PARD3B: variants seen among roughly 807,000 people sequenced by gnomAD.
PARD3B encodes the protein partitioning defective 3 homolog B.
A neutral mutation model predicts 130.2 loss-of-function variants in PARD3B; 103 were observed. That is an observed-to-expected ratio of 0.79 (90% CI 0.67 to 0.93). The LOEUF is 0.93. PARD3B is among the 40% of genes least tolerant of loss of function. PARD3B has a pLI of 0.00. For missense variants in PARD3B, 1,609 were observed against 1,499.2 expected (o/e 1.07, Z -1.21); for synonymous variants, 583 against 553.2 (o/e 1.05, Z -0.76).
intron 18 of PARD3B, among the ~76,000 whole-genome samples, chr2:205,376,504 G>C (rs1289032821): frequency 6.6e-6 from 1 of 152,184 alleles, no homozygotes; most frequent in African/African-American, 2.4e-5. Flanking sequence ...ATCTAATGAC[G>C]TGAGGTATTG....
intron 13 of PARD3B, among the ~76,000 whole-genome samples, chr2:205,181,744 A>G (rs2035798717): frequency 6.6e-6 from 1 of 152,240 alleles, no homozygotes; most frequent in Admixed American, 6.5e-5. Context: ...ACAAAAGATG[A>G]TAATTAAAAA....
Position 205,473,565 on chromosome 2 carries a change from A to C in PARD3B, c.3045-26331A>C, listed in dbSNP as rs181209027. Among the ~76,000 whole-genome samples the C allele has an allele frequency of 1.1e-4, 16 of 151,470 alleles. No homozygotes were observed. In the East Asian group the frequency reaches 3.1e-3, roughly 29 times the overall value. On this transcript the variant is annotated intron_variant, in intron 20 of 22. Coordinates refer to ENST00000406610, the MANE Select transcript of PARD3B (RefSeq NM_001302769.2). This position sits in a 1 kb window ranked among gnomAD's most constrained non-coding sequence, Gnocchi z 4.9. ...TATGGGTGATATCTTACATTGTTGG[A>C]AAGAGCTGAAATAAAAATAAACAGG...
In PARD3B at chr2:205,125,382, T is replaced by G. The variant is rs2031256699; in HGVS notation, c.1306-227T>G. ...GTTTCCCCCACATAAGAATGTGATG[T>G]CTTAGGAAAAACTGCTGATATTAAT... On this transcript the variant is annotated intron_variant, in intron 9 of 22. Transcript: ENST00000406610. This position sits in a 1 kb window ranked among gnomAD's most constrained non-coding sequence, Gnocchi z 4.0. Among the ~76,000 whole-genome samples the G allele has an allele frequency of 1.3e-5, 2 of 152,290 alleles. No individual in the cohort carries two copies. Among genetic ancestry groups the G allele is most frequent in the Admixed American group, 1.3e-4 (2 of 15,304 alleles).
chr2:204,863,328 A>T lies in PARD3B; in HGVS notation c.223-101824A>T, dbSNP rs16836679. On this transcript the variant is annotated intron_variant, in intron 2 of 22. Transcript: ENST00000406610. ...GTGCCTCATCCTCCACTGGAGCGCCATCCTTGCATCACCTTTCTTACTCTG... is the reference window on the plus strand; with the variant it reads ...GTGCCTCATCCTCCACTGGAGCGCCTTCCTTGCATCACCTTTCTTACTCTG... Among the ~76,000 whole-genome samples the T allele has an allele frequency of 0.015, 2,247 of 152,170 alleles. 66 individuals are homozygous for T. In the East Asian group the frequency reaches 0.15, roughly 10 times the overall value.
chr2:204,803,045 A>G (rs1392238583), intron 2 of PARD3B, among the ~76,000 whole-genome samples: 1 of 150,716 alleles, frequency 6.6e-6, no homozygotes, highest in Non-Finnish European at 1.5e-5. Flanking sequence ...AAGAAATGAA[A>G]GAAAATGCAG....
chr2:205,153,560 G>A (rs2033905929), intron 10 of PARD3B, among the ~76,000 whole-genome samples: 1 of 152,046 alleles, frequency 6.6e-6, no homozygotes, highest in African/African-American at 2.4e-5. Flanking sequence ...AAGTTCATAT[G>A]GAACCAAAAA....
intron 2 of PARD3B, among the ~76,000 whole-genome samples, chr2:204,691,811 C>T (rs1475070041): frequency 3.4e-5 from 5 of 145,210 alleles, no homozygotes; most frequent in Non-Finnish European, 5.9e-5. Flanking sequence ...TTAAACAAAA[C>T]TGATATGAAT....
At chr2:205,246,880 G>A (rs943996515) in intron 16 of PARD3B, among the ~76,000 whole-genome samples, 1 of 151,996 alleles carries the variant, frequency 6.6e-6, no homozygotes, top group Non-Finnish European at 1.5e-5. Flanking sequence ...TTAGATCACT[G>A]TGAAAGAGAT....
chr2:205,566,537 G>A (rs761652964), intron 22 of PARD3B, among the ~76,000 whole-genome samples: 3 of 152,148 alleles, frequency 2.0e-5, no homozygotes, highest in Non-Finnish European at 4.4e-5. Flanking sequence ...AGGAGACAAG[G>A]CAAAGAGAGG....
chr2:205,549,209 C>G (rs1373650443), intron 21 of PARD3B, among the ~76,000 whole-genome samples: 1 of 152,158 alleles, frequency 6.6e-6, no homozygotes, highest in Non-Finnish European at 1.5e-5. Flanking sequence ...AATGGTATCA[C>G]TACTTTAGAA....
intron 2 of PARD3B, among the ~76,000 whole-genome samples, chr2:204,930,857 C>T (rs960561210): frequency 6.6e-5 from 10 of 152,066 alleles, no homozygotes; most frequent in Non-Finnish European, 1.3e-4. Flanking sequence ...GCTTGTCTTA[C>T]GTCTGGTTTC....
At chr2:205,532,208 G>A (rs80241959) in intron 21 of PARD3B, among the ~76,000 whole-genome samples, 4,788 of 152,188 alleles carry the variant, frequency 0.031, 163 homozygotes, top group South Asian at 0.13. Flanking sequence ...TTCTTCATCC[G>A]TTAAAAAACG....
rs2040409905 is a variant in PARD3B at position 205,263,934 on chromosome 2, G to T, written c.2185+18112G>T. 6.6e-6 allele frequency among the ~76,000 whole-genome samples: 1 copy of T among 151,154 alleles called. No individual in the cohort carries two copies. Among genetic ancestry groups the T allele is most frequent in the African/African-American group, 2.4e-5 (1 of 41,138 alleles). On this transcript the variant is annotated intron_variant, in intron 16 of 22. Transcript: ENST00000406610. This position sits in a 1 kb window ranked among gnomAD's most constrained non-coding sequence, Gnocchi z 4.0. ...GGTTATTTTAGACAAAGAGTAATGA[G>T]AAGTGGAAGAAGATTGTCAGAGAGA...
intron 1 of PARD3B, among the ~76,000 whole-genome samples, chr2:204,578,956 T>C (rs1053462664): frequency 6.6e-6 from 1 of 151,994 alleles, no homozygotes; most frequent in African/African-American, 2.4e-5. Flanking sequence ...TGATTCCTCC[T>C]GTGTACTGAG....
chr2:205,119,711 G>A (rs1309281960), intron 7 of PARD3B, among the ~76,000 whole-genome samples: 3 of 152,054 alleles, frequency 2.0e-5, no homozygotes, highest in East Asian at 1.9e-4. Flanking sequence ...GAACCTGGGG[G>A]ACAGAGGTTG....
chr2:204,730,409 A>G (rs983098419), intron 2 of PARD3B, among the ~76,000 whole-genome samples: 1 of 152,118 alleles, frequency 6.6e-6, no homozygotes, highest in Non-Finnish European at 1.5e-5. Flanking sequence ...ACTGCTCTGT[A>G]AGCAGATTTC....
chr2:205,107,066 C>T (rs780956252), intron 5 of PARD3B, among the ~76,000 whole-genome samples: 25 of 152,274 alleles, frequency 1.6e-4, no homozygotes, highest in South Asian at 6.2e-4. Flanking sequence ...CACGCATCCA[C>T]GTAGAAGCTA....
At chr2:205,310,617 C>T (rs1236288562) in intron 18 of PARD3B, among the ~76,000 whole-genome samples, 1 of 151,722 alleles carries the variant, frequency 6.6e-6, no homozygotes, top group Non-Finnish European at 1.5e-5. Context: ...TGGCTTATTT[C>T]ACTTACATAA....
intron 1 of PARD3B, among the ~76,000 whole-genome samples, chr2:204,557,178 C>A (rs75455338): frequency 1.3e-5 from 2 of 152,008 alleles, no homozygotes; most frequent in Non-Finnish European, 2.9e-5. Context: ...TTCACCTACC[C>A]GTAAATACAC....
Sources: gnomAD v4.1 joint callset for allele counts (sites outside exome capture counted in the v4.1 genomes callset) on GRCh38, gnomAD v4.1.1 for gene constraint, Gnocchi (gnomAD v3.1) non-coding constraint, MANE v1.5 for transcripts, NCBI Gene and HGNC (gene_info 2026-07-23, HGNC 2026-07-21) for gene names.